The following ARHGEF10 variants were observed in gnomAD, a reference collection of about 807,000 sequenced individuals.
ARHGEF10 encodes the protein Rho guanine nucleotide exchange factor (GEF) 10.
A neutral mutation model predicts 147.4 loss-of-function variants in ARHGEF10; 140 were observed. That is an observed-to-expected ratio of 0.95 (90% CI 0.83 to 1.09). ARHGEF10 has a LOEUF of 1.09. Ranked by LOEUF, ARHGEF10 falls within the 50% of genes least tolerant of loss-of-function variation. The pLI, the probability that ARHGEF10 is intolerant of heterozygous loss-of-function variation, is 0.00. For synonymous variants in ARHGEF10, 902 were observed against 695.8 expected (o/e 1.30, Z -4.67); for missense variants, 2,222 against 1,752.7 (o/e 1.27, Z -4.78).
At chr8:1,876,280 G>C (rs76590232) in intron 7 of ARHGEF10, 5,814 of 484,816 alleles carry the variant, frequency 0.012, 246 homozygotes, top group African/African-American at 0.096. Flanking sequence ...TACCTGGCAT[G>C]ACTGTGGCGG....
chr8:1,826,154 A>T lies in ARHGEF10; in HGVS notation c.-48+2041A>T, dbSNP rs754142559. 4.3e-5 allele frequency: 68 copies of T among 1,585,660 alleles called. 1 individual carries two copies. In the South Asian group the frequency reaches 7.3e-4, roughly 17 times the overall value. On this transcript the variant is annotated intron_variant, in intron 1 of 28. Transcript: ENST00000349830. ...CTCAGCAGTAAGAAAAGTCATTTGTATAAGGTGCTATTTGTAATTCATTAG... is the reference window on the plus strand; with the variant it reads ...CTCAGCAGTAAGAAAAGTCATTTGTTTAAGGTGCTATTTGTAATTCATTAG...
intron 8 of ARHGEF10, among the ~76,000 whole-genome samples, chr8:1,879,031 C>T (rs1807952305): frequency 6.6e-6 from 1 of 152,170 alleles, no homozygotes; most frequent in Admixed American, 6.5e-5. Context: ...CTGCAGGCAG[C>T]ACCAAGTTTT....
chr8:1,874,034 C>G (rs562115950), intron 7 of ARHGEF10, among the ~76,000 whole-genome samples: 1 of 152,330 alleles, frequency 6.6e-6, no homozygotes, highest in East Asian at 1.9e-4. Context: ...GACAATAAGT[C>G]GATGGCGCTG....
intron 1 of ARHGEF10, among the ~76,000 whole-genome samples, chr8:1,834,269 A>T (rs945377588): frequency 6.6e-6 from 1 of 152,218 alleles, no homozygotes; most frequent in Non-Finnish European, 1.5e-5. Flanking sequence ...TGTGTTATAA[A>T]GCCCTTGCGA....
In ARHGEF10 at chr8:1,863,493, G is replaced by T. The variant is rs186188312; in HGVS notation, c.482-880G>T. Among the ~76,000 whole-genome samples the T allele has an allele frequency of 2.3e-3, 354 of 152,344 alleles. 1 individual carries two copies. Among genetic ancestry groups the T allele is most frequent in the Admixed American group, 0.014 (217 of 15,302 alleles). Reference sequence around the variant, plus strand: ...GAAAGTGTTTCATGGACAGCTGCCAGTGTGGCGATGAGCAGCAGCCGCTGA... The same window carrying T: ...GAAAGTGTTTCATGGACAGCTGCCATTGTGGCGATGAGCAGCAGCCGCTGA... On this transcript the variant is annotated intron_variant, in intron 4 of 28. Coordinates refer to ENST00000349830, the MANE Select transcript of ARHGEF10 (RefSeq NM_014629.4).
chr8:1,862,331 C>T (rs1474489302), intron 4 of ARHGEF10, among the ~76,000 whole-genome samples: 2 of 152,278 alleles, frequency 1.3e-5, no homozygotes, highest in African/African-American at 4.8e-5. Context: ...CTGGAGCTCC[C>T]AGCTGGCCAA....
chr8:1,935,819 T>C (rs540888175), intron 26 of ARHGEF10, among the ~76,000 whole-genome samples: 104 of 152,284 alleles, frequency 6.8e-4, no homozygotes, highest in Admixed American at 1.1e-3. Flanking sequence ...GCAGGTGAGC[T>C]CAGGCAGCGG....
chr8:1,869,242 C>T lies in ARHGEF10; in HGVS notation c.671C>T (p.Ser224Phe). 1 of 1,613,854 alleles carries T rather than the reference C, an allele frequency of 6.2e-7. No individual in the cohort carries two copies. Among genetic ancestry groups the T allele is most frequent in the Non-Finnish European group, 8.5e-7 (1 of 1,179,724 alleles). ...YDDVPRENSD[S>F]EPDEMIYDDV... is the part of the protein sequence containing the mutation. ...GACGTTCCAAGGGAAAACTCAGACT[C>T]TGAACCAGGTTTGATTTTGTCTGGA... Residue 224 changes from serine (S) to phenylalanine (F), a missense_variant, in exon 7 of 29, where the codon TCT becomes TTT. Physicochemically the swap from Ser to Phe is radical, Grantham distance 155. Coordinates refer to ENST00000349830, the MANE Select transcript of ARHGEF10 (RefSeq NM_014629.4).
At chr8:1,920,285 T>C (rs904082708) in intron 18 of ARHGEF10, among the ~76,000 whole-genome samples, 7 of 152,262 alleles carry the variant, frequency 4.6e-5, no homozygotes, top group African/African-American at 1.7e-4. Flanking sequence ...AGTCAACTAA[T>C]TAATAAAGTT....
intron 26 of ARHGEF10, among the ~76,000 whole-genome samples, chr8:1,940,527 G>A (rs1328568565): frequency 6.6e-6 from 1 of 152,122 alleles, no homozygotes; most frequent in Non-Finnish European, 1.5e-5. Context: ...AGGACCAGAT[G>A]GCTTCATTGG....
chr8:1,885,826 G>T (rs1380412417), intron 11 of ARHGEF10, 119 bp downstream of exon 11: 2 of 807,238 alleles, frequency 2.5e-6, no homozygotes, highest in African/African-American at 1.7e-5. Context: ...CATCCACTCG[G>T]GCCCTCCACT....
chr8:1,925,477 A>G (rs1812620291), intron 22 of ARHGEF10, 73 bp downstream of exon 22: 2 of 1,594,772 alleles, frequency 1.3e-6, no homozygotes, highest in Admixed American at 1.7e-5. Flanking sequence ...TTGGGAGATG[A>G]TTCTTAAGGG....
chr8:1,946,432 G>A (rs1196667672), intron 27 of ARHGEF10, among the ~76,000 whole-genome samples: 1 of 152,218 alleles, frequency 6.6e-6, no homozygotes, highest in Non-Finnish European at 1.5e-5. Context: ...AGCATGCCGG[G>A]GAGCACGGTG....
chr8:1,884,628 G>T (rs946947722), intron 10 of ARHGEF10, among the ~76,000 whole-genome samples: 32 of 152,196 alleles, frequency 2.1e-4, no homozygotes, highest in Non-Finnish European at 4.3e-4. Flanking sequence ...AGATGTTTCT[G>T]TGCAGCCAGG....
chr8:1,859,977 T>C lies in ARHGEF10; in HGVS notation c.274T>C (p.Tyr92His). ...KLVLPMKVNP[Y>H]SVIDITPFQE... ...GGTGCTCCCGATGAAAGTCAACCCATATTCTGTCATCGACATCACGCCATT... is the reference window on the plus strand; with the variant it reads ...GGTGCTCCCGATGAAAGTCAACCCACATTCTGTCATCGACATCACGCCATT... The change falls in exon 4 of 29, where the codon TAT (tyrosine) becomes CAT (histidine). Residue 92 changes from tyrosine (Y) to histidine (H), a missense_variant. Physicochemically the swap from Tyr to His is moderately conservative, Grantham distance 83 (BLOSUM62 2). Coordinates refer to ENST00000349830, the MANE Select transcript of ARHGEF10 (RefSeq NM_014629.4). 2 of 1,614,142 alleles carry C rather than the reference T, an allele frequency of 1.2e-6. No homozygotes were observed. Among genetic ancestry groups the C allele is most frequent in the Non-Finnish European group, 8.5e-7 (1 of 1,180,018 alleles).
intron 26 of ARHGEF10, among the ~76,000 whole-genome samples, chr8:1,944,305 T>C (rs1471565348): frequency 6.6e-6 from 1 of 151,396 alleles, no homozygotes; most frequent in Non-Finnish European, 1.5e-5. Flanking sequence ...GACACAGTCC[T>C]CTCCTCAGCT....
chr8:1,896,324 G>C lies in ARHGEF10; in HGVS notation c.1441-9G>C, dbSNP rs201716480. ...GTGATTTCTCTCTGAATTTCCTCCTGTGTTTCAGTTTTCTAAGTCCATGGT... is the reference window on the plus strand; with the variant it reads ...GTGATTTCTCTCTGAATTTCCTCCTCTGTTTCAGTTTTCTAAGTCCATGGT... On this transcript the variant is annotated splice_polypyrimidine_tract_variant and intron_variant, in intron 13 of 28. Coordinates refer to ENST00000349830, the MANE Select transcript of ARHGEF10 (RefSeq NM_014629.4). The C allele has an allele frequency of 1.9e-6, 3 of 1,595,850 alleles. No homozygotes were observed. Among genetic ancestry groups the C allele is most frequent in the Non-Finnish European group, 2.6e-6 (3 of 1,163,624 alleles).
chr8:1,884,807 C>G lies in ARHGEF10; in HGVS notation c.1076-794C>G, dbSNP rs543372869. ...AGAGACAGGGTCTCACTCTGTCGCC[C>G]AGGCTGGAGTGCAGTGGCACGACCA... On this transcript the variant is annotated intron_variant, in intron 10 of 28. Coordinates refer to ENST00000349830, the MANE Select transcript of ARHGEF10 (RefSeq NM_014629.4). Among the ~76,000 whole-genome samples, 36 of 152,304 alleles carry G rather than the reference C, an allele frequency of 2.4e-4. 2 individuals are homozygous for G. In the South Asian group the frequency reaches 6.8e-3, roughly 29 times the overall value.
chr8:1,888,025 A>C (rs1182523489), intron 11 of ARHGEF10, among the ~76,000 whole-genome samples: 5 of 144,946 alleles, frequency 3.4e-5, no homozygotes, highest in Admixed American at 1.4e-4. Flanking sequence ...GTTAGGAGGC[A>C]CTGAGTAGGG....
Sources: allele counts gnomAD v4.1 joint callset (sites outside exome capture counted in the v4.1 genomes callset), GRCh38; gene constraint gnomAD v4.1.1; transcripts MANE v1.5; gene names NCBI Gene and HGNC (gene_info 2026-07-23, HGNC 2026-07-21).